EPYC: variants seen among roughly 807,000 people sequenced by gnomAD.
The protein encoded by EPYC is dermatan sulfate proteoglycan 3.
A neutral mutation model predicts 30.1 loss-of-function variants in EPYC; 28 were observed. The observed-to-expected ratio is 0.93, with a 90% CI of 0.69 to 1.28. The LOEUF is 1.28. EPYC is among the 50% of genes most tolerant of loss of function. The pLI is 0.00. For synonymous variants in EPYC, 144 were observed against 141.4 expected, an observed-to-expected ratio of 1.02 and a Z score of -0.13; for missense variants, 382 against 383.5, an observed-to-expected ratio of 1.00 and a Z score of 0.03.
chr12:90,982,580 A>T (rs75336930), intron 2 of EPYC, among the ~76,000 whole-genome samples: 4,297 of 152,032 alleles, frequency 0.028, 217 homozygotes, highest in African/African-American at 0.098. Flanking sequence ...ATTCTGGACT[A>T]TTCTTTTCTC....
At chr12:90,977,902 A>T (rs1877224927) in intron 3 of EPYC, among the ~76,000 whole-genome samples, 186 bp downstream of exon 3, 1 of 152,156 alleles carries the variant, frequency 6.6e-6, no homozygotes, top group Non-Finnish European at 1.5e-5. Flanking sequence ...TATGAGACCG[A>T]AGCTGAATTA....
At chr12:90,968,227 T>C (rs541848642) in intron 6 of EPYC, among the ~76,000 whole-genome samples, 1 of 152,340 alleles carries the variant, frequency 6.6e-6, no homozygotes, top group East Asian at 1.9e-4. Flanking sequence ...ATGTGATAGA[T>C]ATGTGTTGTT....
rs1326674648 is a variant in EPYC, at chr12:90,971,973, T to C, written c.529A>G (p.Asn177Asp). The change falls in exon 5 of 7, where the codon AAT becomes GAT. Residue 177 changes from asparagine to aspartate, a missense_variant. Transcript: ENST00000261172. ...SDLKRIDLTS[N>D]LISEIDEDAF... is the part of the protein sequence containing the mutation. Reference sequence around the variant, plus strand: ...TCTTCATCAATCTCAGATATTAAATTTGATGTCAGATCAATCCTTTTTAAA... The same window carrying C: ...TCTTCATCAATCTCAGATATTAAATCTGATGTCAGATCAATCCTTTTTAAA... 2.5e-6 allele frequency: 4 copies of C among 1,602,726 alleles called. No individual in the cohort carries two copies. The highest frequency in any genetic ancestry group is 2.6e-6 in the Non-Finnish European group (3 of 1,173,516).
intron 3 of EPYC, 98 bp from the exon 4 acceptor site, chr12:90,973,078 A>G: frequency 1.5e-6 from 1 of 655,622 alleles, no homozygotes; most frequent in Non-Finnish European, 2.3e-6. Context: ...GTCTCCCACT[A>G]ACCAAGTAGA....
intron 2 of EPYC, among the ~76,000 whole-genome samples, chr12:90,985,534 G>T (rs966983522): frequency 3.9e-5 from 6 of 152,176 alleles, no homozygotes; most frequent in Non-Finnish European, 8.8e-5. Flanking sequence ...TCAGAGAAAA[G>T]CCACAGCCTT....
chr12:90,979,550 A>G (rs1223899364), intron 2 of EPYC, among the ~76,000 whole-genome samples: 1 of 152,198 alleles, frequency 6.6e-6, no homozygotes, highest in African/African-American at 2.4e-5. Flanking sequence ...ATTTAAAAGC[A>G]TTGCAAATCA....
chr12:90,997,364 T>G (rs984873613), intron 2 of EPYC, among the ~76,000 whole-genome samples: 1 of 152,054 alleles, frequency 6.6e-6, no homozygotes, highest in South Asian at 2.1e-4. Flanking sequence ...ACTGGATGAG[T>G]GGATGTTGAC....
At chr12:90,987,686 A>G (rs1877485509) in intron 2 of EPYC, among the ~76,000 whole-genome samples, 1 of 152,172 alleles carries the variant, frequency 6.6e-6, no homozygotes, top group Admixed American at 6.5e-5. Context: ...TTTTAGCTAG[A>G]TATGCTCTGT....
intron 2 of EPYC, among the ~76,000 whole-genome samples, chr12:90,987,956 C>CA (rs1351587160): frequency 6.6e-6 from 1 of 152,086 alleles, no homozygotes; most frequent in African/African-American, 2.4e-5. Flanking sequence ...CCAATTTAGT[C>CA]AGGGAAGGAT....
chr12:90,968,666 T>G (rs11105889), intron 6 of EPYC, among the ~76,000 whole-genome samples: 2,799 of 152,234 alleles, frequency 0.018, 46 homozygotes, highest in Middle Eastern at 0.027. Flanking sequence ...CTTTAAAAAA[T>G]TCCCTCATAT....
At chr12:90,997,140 C>T (rs761476977) in intron 2 of EPYC, among the ~76,000 whole-genome samples, 8 of 152,004 alleles carry the variant, frequency 5.3e-5, no homozygotes, top group Non-Finnish European at 1.0e-4. Context: ...CCCACAAAGA[C>T]CATAACTTAA....
intron 1 of EPYC, 23 bp from the exon 2 acceptor site, chr12:91,002,601 C>A (rs780312741): frequency 3.3e-6 from 5 of 1,507,816 alleles, no homozygotes; most frequent in Non-Finnish European, 4.5e-6. Flanking sequence ...TATTAAAATG[C>A]ATAAATATTT....
rs1877057320 is a variant in EPYC at position 90,971,851 on chromosome 12, A to G, written c.651T>C (p.Asp217=). 3 of 1,612,244 alleles carry G rather than the reference A, an allele frequency of 1.9e-6. No homozygotes were observed. The South Asian group carries it at 3.3e-5, about 18-fold the overall frequency. Residue 217 remains aspartate (D), a synonymous_variant, in exon 5 of 7, where the codon GAT becomes GAC. Transcript: ENST00000261172. The stretch of plus-strand genomic sequence containing the variant: ...TCCTTCCAAGTCTATTGTTGCTAAT[A>G]TCAATAAATGTCAAAGTGGTTGGCA... ...PELPTTLTFI[D]ISNNRLGRKG... is the part of the protein sequence containing the mutation.
At chr12:90,996,347 C>G (rs988072924) in intron 2 of EPYC, among the ~76,000 whole-genome samples, 4 of 151,838 alleles carry the variant, frequency 2.6e-5, no homozygotes, top group African/African-American at 9.7e-5. Flanking sequence ...AGAGCATCAA[C>G]ATATATTCTA....
chr12:90,995,741 AT>A (rs774713582), intron 2 of EPYC, among the ~76,000 whole-genome samples: 5 of 150,596 alleles, frequency 3.3e-5, no homozygotes, highest in Non-Finnish European at 4.4e-5. Flanking sequence ...ATGATTGTAT[AT>A]TTTTTTTTGC....
intron 2 of EPYC, among the ~76,000 whole-genome samples, chr12:90,999,838 A>G (rs1022517564): frequency 6.6e-6 from 1 of 151,936 alleles, no homozygotes; most frequent in Non-Finnish European, 1.5e-5. Flanking sequence ...ATTCATTTTA[A>G]TTTGTTAATA....
intron 2 of EPYC, among the ~76,000 whole-genome samples, chr12:90,989,068 G>T (rs1877519775): frequency 6.6e-6 from 1 of 152,118 alleles, no homozygotes; most frequent in African/African-American, 2.4e-5. Flanking sequence ...ATAAAAGTAA[G>T]AAAAATTATA....
intron 2 of EPYC, 137 bp from the exon 3 acceptor site, chr12:90,978,399 C>T (rs895462144): frequency 3.9e-6 from 3 of 759,856 alleles, no homozygotes; most frequent in Non-Finnish European, 5.9e-6. Context: ...GTTTGACCAT[C>T]CTGCTTGCTT....
intron 1 of EPYC, among the ~76,000 whole-genome samples, chr12:91,004,370 T>C (rs1036821631): frequency 6.6e-6 from 1 of 152,206 alleles, no homozygotes; most frequent in African/African-American, 2.4e-5. Flanking sequence ...CTATCTATGT[T>C]TAGTTAAAAA....
Sources: allele counts gnomAD v4.1 joint callset (sites outside exome capture counted in the v4.1 genomes callset), GRCh38; gene constraint gnomAD v4.1.1; transcripts MANE v1.5; gene names NCBI Gene and HGNC (gene_info 2026-07-23, HGNC 2026-07-21).